The following C2CD2L variants were observed in gnomAD, a reference collection of about 807,000 sequenced individuals.
C2CD2L encodes phospholipid transfer protein C2CD2L.
In C2CD2L, 24 loss-of-function variants were observed where a neutral mutation model predicts 69.9. That is an observed-to-expected ratio of 0.34 (90% CI 0.25 to 0.48). C2CD2L has a LOEUF of 0.48. C2CD2L is among the 20% of genes least tolerant of loss of function. The pLI is 0.99. For synonymous variants in C2CD2L, 367 were observed against 391.0 expected (o/e 0.94, Z 0.72); for missense variants, 811 against 941.5 (o/e 0.86, Z 1.81).
rs1946836551 is a variant in C2CD2L, at chr11:119,114,489, T to C, written c.1909+124T>C. The C allele has an allele frequency of 1.0e-6, 1 of 977,874 alleles. No individual in the cohort carries two copies. Among genetic ancestry groups the C allele is most frequent in the Non-Finnish European group, 1.5e-6 (1 of 653,658 alleles). 60.6% of individuals were successfully genotyped at this position (977,874 alleles called of 1,614,324 possible). Reference sequence around the variant, plus strand: ...AGAGATAGCCGGATTCCCAGCCTAGTTCAGCCAAGCTAGCCTAGAGGGGGA... The same window carrying C: ...AGAGATAGCCGGATTCCCAGCCTAGCTCAGCCAAGCTAGCCTAGAGGGGGA... On this transcript the variant is annotated intron_variant, in intron 13 of 13. Coordinates refer to ENST00000648610, the MANE Select transcript of C2CD2L (RefSeq NM_001290474.2). The surrounding 1 kb of genome is among the most constrained non-coding windows in gnomAD (Gnocchi z 5.1).
intron 13 of C2CD2L, 157 bp from the exon 14 acceptor site, chr11:119,115,888 G>T: frequency 1.6e-6 from 1 of 612,614 alleles, no homozygotes; most frequent in Non-Finnish European, 2.9e-6. Context: ...TTATGGAGAA[G>T]TATGTTTCTG....
chr11:119,112,459 C>T, intron 8 of C2CD2L, 23 bp from the exon 9 acceptor site: 1 of 1,613,918 alleles, frequency 6.2e-7, no homozygotes, highest in Non-Finnish European at 8.5e-7. Flanking sequence ...GGGCCCAGCT[C>T]ACAGTGCCAT....
chr11:119,108,136 C>T (rs763585043), intron 1 of C2CD2L, 41 bp downstream of exon 1: 4 of 1,404,758 alleles, frequency 2.8e-6, no homozygotes, highest in Non-Finnish European at 3.9e-6. Flanking sequence ...TTCAGCCTTT[C>T]CTTCCAGGGG....
chr11:119,112,563 C>A lies in C2CD2L; in HGVS notation c.1166C>A (p.Pro389Gln). The change falls in exon 9 of 14, where the codon CCA becomes CAA. Residue 389 changes from proline to glutamine, a missense_variant. Coordinates refer to ENST00000648610, the MANE Select transcript of C2CD2L (RefSeq NM_001290474.2). ...LSRRQLCPLTPGPGKALGPAA... is the reference protein window; with the variant it reads ...LSRRQLCPLTQGPGKALGPAA... ...CGAAGACAGTTGTGCCCACTCACCC[C>A]AGGGCCAGGGAAAGCCCTGGGACCA... 1 of 1,612,882 alleles carries A rather than the reference C, an allele frequency of 6.2e-7. No homozygotes were observed.
rs574797701 is a variant in C2CD2L at position 119,109,812 on chromosome 11, A to G, written c.355-292A>G. ...TGAAAGGGATTGCAGGGAGAAGAAG[A>G]AGGAAGCTCTTGGTATTCCAGGAGG... is the stretch of plus-strand genomic sequence containing the variant. On this transcript the variant is annotated intron_variant, in intron 1 of 13. Transcript: ENST00000648610. This position sits in a 1 kb window ranked among gnomAD's most constrained non-coding sequence, Gnocchi z 5.1. 1.1e-4 allele frequency among the ~76,000 whole-genome samples: 16 copies of G among 152,124 alleles called. No individual in the cohort carries two copies. Among genetic ancestry groups the G allele is most frequent in the Non-Finnish European group, 1.9e-4 (13 of 68,004 alleles).
At position 119,117,950 on chromosome 11, in the gene C2CD2L, T is replaced by A. The variant is rs1384458667; in HGVS notation, c.*1694T>A. ...CCTTGACATTCTATGACTACCTATA[T>A]CTCAGGGTGTTTAGGGCACATGCCT... On this transcript the variant is annotated 3_prime_UTR_variant, in exon 14 of 14. Coordinates refer to ENST00000648610, the MANE Select transcript of C2CD2L (RefSeq NM_001290474.2). 2 of 152,194 alleles carry A rather than the reference T, an allele frequency of 1.3e-5. No individual in the cohort carries two copies. Among genetic ancestry groups the A allele is most frequent in the Non-Finnish European group, 2.9e-5 (2 of 68,036 alleles). The allele number at this position is 152,194 out of a possible 1,614,324, so 9.4% of individuals were successfully genotyped here.
At chr11:119,105,686 A>G (rs1946571109), upstream of C2CD2L, among the ~76,000 whole-genome samples, 1 of 151,486 alleles carries the variant, frequency 6.6e-6, no homozygotes, top group Admixed American at 6.6e-5. Context: ...AACTAGGGAG[A>G]CTCATGTAAC....
Position 119,114,235 on chromosome 11 carries a change from T to C in C2CD2L, c.1779T>C (p.Ser593=). 1 of 1,614,114 alleles carries C rather than the reference T, an allele frequency of 6.2e-7. No homozygotes were observed. The highest frequency in any genetic ancestry group is 8.5e-7 in the Non-Finnish European group (1 of 1,180,012). The change falls in exon 13 of 14, where the codon AGT becomes AGC. Residue 593 remains serine, a synonymous_variant. Transcript: ENST00000648610. This position sits in a 1 kb window ranked among gnomAD's most constrained non-coding sequence, Gnocchi z 5.1. Reference sequence around the variant, plus strand: ...CAGGACCGCTAGATGCCCTCTCTAGTCCCACAAGTGTCCAGGAAGCAGACG... The same window carrying C: ...CAGGACCGCTAGATGCCCTCTCTAGCCCCACAAGTGTCCAGGAAGCAGACG... The part of the protein sequence containing the change: ...MSPGPLDALS[S]PTSVQEADET...
In C2CD2L at chr11:119,112,467, C is replaced by T; in HGVS notation, c.1085-15C>T. On this transcript the variant is annotated splice_polypyrimidine_tract_variant and intron_variant, in intron 8 of 13. Coordinates refer to ENST00000648610, the MANE Select transcript of C2CD2L (RefSeq NM_001290474.2). ...TGGCCATGGGCCCAGCTCACAGTGC[C>T]ATCCCTTTCCCCAGCCGAACTCCTA... 1.2e-6 allele frequency: 2 copies of T among 1,613,884 alleles called. No individual in the cohort carries two copies. The highest frequency in any genetic ancestry group is 1.7e-6 in the Non-Finnish European group (2 of 1,179,880).
upstream of C2CD2L, among the ~76,000 whole-genome samples, chr11:119,105,279 CAT>C (rs1946560300): frequency 6.6e-6 from 1 of 152,116 alleles, no homozygotes; most frequent in Non-Finnish European, 1.5e-5. Flanking sequence ...AAAAAGCAGA[CAT>C]ATAAACAATC....
chr11:119,108,346 A>C (rs1427666001), intron 1 of C2CD2L: 3 of 448,814 alleles, frequency 6.7e-6, no homozygotes, highest in Non-Finnish European at 7.8e-6. Flanking sequence ...TGCTGTTCTC[A>C]TAGCAACGCT....
At position 119,109,283 on chromosome 11, in the gene C2CD2L, G is replaced by A. The variant is rs540534599; in HGVS notation, c.355-821G>A. Among the ~76,000 whole-genome samples the A allele has an allele frequency of 6.6e-6, 1 of 152,320 alleles. No individual in the cohort carries two copies. Among genetic ancestry groups the A allele is most frequent in the African/African-American group, 2.4e-5 (1 of 41,586 alleles). On this transcript the variant is annotated intron_variant, in intron 1 of 13. Transcript: ENST00000648610. This position sits in a 1 kb window ranked among gnomAD's most constrained non-coding sequence, Gnocchi z 5.1. ...TTGTTTCCTCCATCTCAAGACCCAA[G>A]GAAGAGTTGCCAGCCAATTCTGTGC...
Position 119,116,251 on chromosome 11 carries a change from C to T in C2CD2L, c.2116C>T (p.Leu706Phe). The T allele has an allele frequency of 6.2e-7, 1 of 1,612,596 alleles. No homozygotes were observed. Among genetic ancestry groups the T allele is most frequent in the East Asian group, 2.2e-5 (1 of 44,886 alleles). The change falls in exon 14 of 14, where the codon CTC becomes TTC. Residue 706 changes from leucine to phenylalanine, a missense_variant. Coordinates refer to ENST00000648610, the MANE Select transcript of C2CD2L (RefSeq NM_001290474.2). ...PKANGNPSPQ[L>F] ...GGCCAATGGTAACCCCAGCCCCCAG[C>T]TCTGAGGACCCAGCTCTGAAAGGGC...
upstream of C2CD2L, among the ~76,000 whole-genome samples, chr11:119,104,429 C>CT (rs1295401485): frequency 1.3e-5 from 2 of 152,158 alleles, no homozygotes; most frequent in African/African-American, 4.8e-5. Flanking sequence ...ACAAGAGAGA[C>CT]TAAGGATTCA....
Position 119,107,861 on chromosome 11 carries a change from G to T in C2CD2L, c.120G>T (p.Ala40=). Reference sequence around the variant, plus strand: ...AATATGCCCGGGGCTTGTGGCTGGCGCGGGCCCGCGGGGACCGGGGCCCGG... The same window carrying T: ...AATATGCCCGGGGCTTGTGGCTGGCTCGGGCCCGCGGGGACCGGGGCCCGG... ...LLQYARGLWL[A]RARGDRGPGP... is the part of the protein sequence containing the mutation. The change falls in exon 1 of 14, where the codon GCG becomes GCT. Residue 40 remains alanine (A), a synonymous_variant. Coordinates refer to ENST00000648610, the MANE Select transcript of C2CD2L (RefSeq NM_001290474.2). This position sits in a 1 kb window ranked among gnomAD's most constrained non-coding sequence, Gnocchi z 5.4. 1 of 1,518,170 alleles carries T rather than the reference G, an allele frequency of 6.6e-7. No individual in the cohort carries two copies. 94.0% of individuals were successfully genotyped at this position (1,518,170 alleles called of 1,614,324 possible).
chr11:119,109,380 G>A lies in C2CD2L; in HGVS notation c.355-724G>A, dbSNP rs1946677041. Among the ~76,000 whole-genome samples, 2 of 152,190 alleles carry A rather than the reference G, an allele frequency of 1.3e-5. No homozygotes were observed. The highest frequency in any genetic ancestry group is 2.4e-5 in the African/African-American group (1 of 41,434). ...GTAGGTTGCTTCCATTACTGTGGACGAATTAGGGAGCAGCTCTTTTGAGAT... is the reference window on the plus strand; with the variant it reads ...GTAGGTTGCTTCCATTACTGTGGACAAATTAGGGAGCAGCTCTTTTGAGAT... On this transcript the variant is annotated intron_variant, in intron 1 of 13. Transcript: ENST00000648610. This position sits in a 1 kb window ranked among gnomAD's most constrained non-coding sequence, Gnocchi z 5.1.
At chr11:119,103,434 C>G (rs1414401523), upstream of C2CD2L, among the ~76,000 whole-genome samples, 2 of 152,166 alleles carry the variant, frequency 1.3e-5, no homozygotes, top group African/African-American at 2.4e-5. Flanking sequence ...CAGTGGCTAA[C>G]GTCTGTAATC....
chr11:119,115,617 T>A (rs1946865473), intron 13 of C2CD2L: 1 of 237,808 alleles, frequency 4.2e-6, no homozygotes, highest in Admixed American at 5.1e-5. Context: ...GGAATTCGGT[T>A]AACAAGTCAG....
upstream of C2CD2L, among the ~76,000 whole-genome samples, chr11:119,105,246 CT>C (rs764655302): frequency 2.0e-5 from 3 of 152,168 alleles, no homozygotes; most frequent in Admixed American, 1.3e-4. Flanking sequence ...GTTCCCACCC[CT>C]AGGCAGCTTC....
Sources: allele counts gnomAD v4.1 joint callset (sites outside exome capture counted in the v4.1 genomes callset), GRCh38; gene constraint gnomAD v4.1.1; non-coding constraint Gnocchi (gnomAD v3.1); transcripts MANE v1.5; gene names NCBI Gene and HGNC (gene_info 2026-07-23, HGNC 2026-07-21).